The following KLRG2 variants were observed in gnomAD, a reference collection of about 807,000 sequenced individuals.
The protein encoded by KLRG2 is killer cell lectin like receptor G2, also known as killer cell lectin-like receptor subfamily G member 2.
Under a neutral mutation model 35.4 loss-of-function variants are expected in KLRG2, and 39 were observed. The ratio of observed to expected loss-of-function variants is 1.10; its 90% CI spans 0.85 to 1.44. The LOEUF is 1.44. Ranked by LOEUF, KLRG2 falls within the 40% of genes most tolerant of loss-of-function variation. The probability of loss-of-function intolerance (pLI) is 0.00; values close to 1 mark genes in which losing one functional copy is unlikely to be tolerated. For missense variants in KLRG2, 632 were observed against 570.9 expected (o/e 1.11, Z -1.09); for synonymous variants, 283 against 265.8 (o/e 1.06, Z -0.63).
chr7:139,461,292 T>C (rs1796562957), intron 3 of KLRG2, among the ~76,000 whole-genome samples: 2 of 152,142 alleles, frequency 1.3e-5, no homozygotes, highest in South Asian at 4.2e-4. Context: ...ACCTAAACCA[T>C]AGCAGCAGTG....
Position 139,479,812 on chromosome 7 carries a change from T to C in KLRG2, c.860-40A>G, listed in dbSNP as rs376759865. On this transcript the variant is annotated intron_variant, in intron 2 of 4. Transcript: ENST00000340940. ...ACTGCTGGTGAGCTGCAGGGTAAGC[T>C]GCATTAAATAAACAAAGCCTGGCTG... The C allele has an allele frequency of 5.3e-5, 84 of 1,591,030 alleles. No homozygotes were observed. The African/African-American group carries it at 9.0e-4, about 17-fold the overall frequency.
chr7:139,456,188 G>A (rs1028055739), intron 3 of KLRG2, among the ~76,000 whole-genome samples: 2 of 152,088 alleles, frequency 1.3e-5, no homozygotes, highest in African/African-American at 4.8e-5. Flanking sequence ...ACAAGCCCTG[G>A]GAATTAGAGT....
At chr7:139,480,381 A>ACC in intron 1 of KLRG2, 134 bp from the exon 2 acceptor site, 1 of 570,890 alleles carries the variant, frequency 1.8e-6, no homozygotes, top group South Asian at 2.1e-5. Context: ...TGGGATGCCA[A>ACC]CATAAACCAC....
At chr7:139,430,647 TCAAA>T in the KLRG2 span, among the ~76,000 whole-genome samples, 1 of 152,266 alleles carries the variant, frequency 6.6e-6, no homozygotes, top group South Asian at 2.1e-4. Context: ...TTATGTCCAA[TCAAA>T]CACTTGTATT....
At position 139,483,073 on chromosome 7, in the gene KLRG2, T is replaced by C; in HGVS notation, c.570A>G (p.Ala190=). The C allele has an allele frequency of 7.1e-7, 1 of 1,411,450 alleles. No individual in the cohort carries two copies. The highest frequency in any genetic ancestry group is 9.1e-7 in the Non-Finnish European group (1 of 1,093,530). The allele number at this position is 1,411,450 out of a possible 1,614,324, so 87.4% of individuals were successfully genotyped here. ...CGTCGCAGCCGCTCTCCGTCCGGGC[T>C]GCAGCCAGCGGCGAGCGGCGGCCCC... ...GTWGRRSPLA[A]ARTESGCDAE... Residue 190 remains alanine (A), a synonymous_variant, in exon 1 of 5, where the codon GCA becomes GCG. Transcript: ENST00000340940.
the KLRG2 span, among the ~76,000 whole-genome samples, chr7:139,444,784 C>T: frequency 1.3e-5 from 2 of 152,196 alleles, no homozygotes; most frequent in Non-Finnish European, 2.9e-5. Context: ...TACGACGACA[C>T]AAAACTCCCA....
chr7:139,448,265 T>C (rs751334660), downstream of KLRG2, among the ~76,000 whole-genome samples: 25 of 152,046 alleles, frequency 1.6e-4, no homozygotes, highest in Non-Finnish European at 2.5e-4. Context: ...TAAAGTCCTG[T>C]GATTACAGGT....
rs1409369470 is a variant in KLRG2 at position 139,483,453 on chromosome 7, G to T, written c.190C>A (p.Pro64Thr). 1.1e-5 allele frequency: 18 copies of T among 1,580,546 alleles called. No individual in the cohort carries two copies. Among genetic ancestry groups the T allele is most frequent in the Non-Finnish European group, 1.4e-5 (17 of 1,172,922 alleles). The change falls in exon 1 of 5, where the codon CCC becomes ACC. Residue 64 changes from proline to threonine, a missense_variant. Coordinates refer to ENST00000340940, the MANE Select transcript of KLRG2 (RefSeq NM_198508.4). ...VEKAAGAGLE[P>T]SSKKKPPSPR... ...GAAGGCGGCTTTTTCTTGCTCGAGGGCTCCAGGCCTGCGCCCGCCGCCTTC... is the reference window on the plus strand; with the variant it reads ...GAAGGCGGCTTTTTCTTGCTCGAGGTCTCCAGGCCTGCGCCCGCCGCCTTC...
the KLRG2 span, among the ~76,000 whole-genome samples, chr7:139,443,070 A>G: frequency 5.9e-5 from 9 of 152,050 alleles, no homozygotes; most frequent in Non-Finnish European, 7.4e-5. Context: ...GGCAAAAACA[A>G]AAATAATGGA....
the KLRG2 span, among the ~76,000 whole-genome samples, chr7:139,439,863 T>TA: frequency 5.9e-5 from 9 of 151,922 alleles, no homozygotes; most frequent in East Asian, 1.9e-4. Flanking sequence ...TGCTTTTGTT[T>TA]AAAAAAAATA....
At chr7:139,453,997 T>C (rs1232380544) in intron 4 of KLRG2, 114 bp downstream of exon 4, 1 of 754,040 alleles carries the variant, frequency 1.3e-6, no homozygotes, top group Non-Finnish European at 2.3e-6. Flanking sequence ...AGCATGGGCG[T>C]GGGCTGCTTT....
rs1454239915 is a variant in KLRG2 at position 139,483,660 on chromosome 7, C to T, written c.-18G>A. The T allele has an allele frequency of 6.8e-7, 1 of 1,479,248 alleles. No individual in the cohort carries two copies. The highest frequency in any genetic ancestry group is 2.6e-5 in the East Asian group (1 of 37,874). 91.6% of individuals were successfully genotyped at this position (1,479,248 alleles called of 1,614,324 possible). ...TCCTCCATCCCGCGCGCCCCGCCACCCGGAGACGCTGAGGAGCGCACCTGG... is the reference window on the plus strand; with the variant it reads ...TCCTCCATCCCGCGCGCCCCGCCACTCGGAGACGCTGAGGAGCGCACCTGG... On this transcript the variant is annotated 5_prime_UTR_variant, in exon 1 of 5. Coordinates refer to ENST00000340940, the MANE Select transcript of KLRG2 (RefSeq NM_198508.4).
At chr7:139,479,489 T>C (rs1455043192) in intron 3 of KLRG2, 138 bp downstream of exon 3, 5 of 862,870 alleles carry the variant, frequency 5.8e-6, no homozygotes, top group Admixed American at 2.4e-5. Flanking sequence ...TGCACGAAGT[T>C]ATGGTCATGC....
At chr7:139,474,068 A>G (rs1796807803) in intron 3 of KLRG2, among the ~76,000 whole-genome samples, 1 of 136,734 alleles carries the variant, frequency 7.3e-6, no homozygotes, top group Admixed American at 8.1e-5. Context: ...CCCAGGCTGG[A>G]GTGCAAGTGG....
At chr7:139,427,705 T>G in the KLRG2 span, among the ~76,000 whole-genome samples, 5 of 152,168 alleles carry the variant, frequency 3.3e-5, no homozygotes, top group Non-Finnish European at 5.9e-5. Context: ...TCATCTTGTG[T>G]CTCTTAAGAG....
chr7:139,429,721 A>G, the KLRG2 span, among the ~76,000 whole-genome samples: 1 of 152,220 alleles, frequency 6.6e-6, no homozygotes, highest in South Asian at 2.1e-4. Flanking sequence ...ATCCCAAGGC[A>G]GAAGAATTGT....
At chr7:139,472,582 TA>T (rs796080881) in intron 3 of KLRG2, among the ~76,000 whole-genome samples, 1,726 of 137,440 alleles carry the variant, frequency 0.013, 23 homozygotes, top group African/African-American at 0.033. Flanking sequence ...CCGTGTCCAT[TA>T]AAAAAAAAAA....
the KLRG2 span, among the ~76,000 whole-genome samples, chr7:139,442,433 C>T: frequency 1.3e-5 from 2 of 152,196 alleles, no homozygotes; most frequent in Admixed American, 1.3e-4. Context: ...ACTGATAGGC[C>T]AGGCACGGTA....
rs1254489492 is a variant in KLRG2 at position 139,453,048 on chromosome 7, T to A, written c.*539A>T. The A allele has an allele frequency of 6.9e-6, 1 of 145,842 alleles. No homozygotes were observed. The highest frequency in any genetic ancestry group is 2.4e-5 in the African/African-American group (1 of 40,988). 9.0% of individuals were successfully genotyped at this position (145,842 alleles called of 1,614,324 possible). ...GGGGAAGGAAAACCTTGCTCTCCCC[T>A]CTTTCCAGGGCTGACCGCTCCTTTT... On this transcript the variant is annotated 3_prime_UTR_variant, in exon 5 of 5. Transcript: ENST00000340940.
Sources: gnomAD v4.1 joint callset for allele counts (sites outside exome capture counted in the v4.1 genomes callset) on GRCh38, gnomAD v4.1.1 for gene constraint, MANE v1.5 for transcripts, NCBI Gene and HGNC (gene_info 2026-07-23, HGNC 2026-07-21) for gene names.